The following AKAP19 variants were observed in gnomAD, a reference collection of about 807,000 sequenced individuals.
AKAP19 encodes small A-kinase anchoring protein.
the AKAP19 span, chr2:190,203,036 T>G: frequency 2.0e-5 from 3 of 148,218 alleles, no homozygotes; most frequent in Non-Finnish European, 4.7e-5. Context: ...CCCAAAGAAA[T>G]AATTTGTCAA....
chr2:190,172,414 G>A, the AKAP19 span, among the ~76,000 whole-genome samples: 4 of 152,164 alleles, frequency 2.6e-5, no homozygotes, highest in Admixed American at 1.3e-4. Context: ...GGTATAGATC[G>A]TTGTCCAGAA....
At chr2:190,168,345 C>T in the AKAP19 span, among the ~76,000 whole-genome samples, 2 of 152,194 alleles carry the variant, frequency 1.3e-5, no homozygotes, top group Non-Finnish European at 2.9e-5. Flanking sequence ...CCTCCTAGGC[C>T]TCTGGGCCTG....
chr2:190,060,294 T>C, the AKAP19 span: 2 of 1,613,160 alleles, frequency 1.2e-6, no homozygotes, highest in Non-Finnish European at 1.7e-6. Flanking sequence ...TCTCAGGATT[T>C]GCACAAACAC....
chr2:189,932,119 C>T, the AKAP19 span, among the ~76,000 whole-genome samples: 3 of 152,102 alleles, frequency 2.0e-5, no homozygotes, highest in Non-Finnish European at 4.4e-5. Context: ...TCATCTTTAT[C>T]CATGTGACCA....
chr2:190,124,853 T>A, the AKAP19 span, among the ~76,000 whole-genome samples: 2 of 152,114 alleles, frequency 1.3e-5, no homozygotes, highest in Admixed American at 6.5e-5. Flanking sequence ...CTCTATAAAC[T>A]TTTTTCTATT....
the AKAP19 span, among the ~76,000 whole-genome samples, chr2:189,957,893 A>G: frequency 6.6e-6 from 1 of 152,166 alleles, no homozygotes; most frequent in Non-Finnish European, 1.5e-5. Context: ...TCCCAGGTTC[A>G]AGCAATTTTC....
At chr2:190,022,105 T>G in the AKAP19 span, among the ~76,000 whole-genome samples, 1 of 151,550 alleles carries the variant, frequency 6.6e-6, no homozygotes, top group Non-Finnish European at 1.5e-5. Context: ...ATGCATTAAT[T>G]AATCCATTCA....
At chr2:190,098,905 T>G in the AKAP19 span, among the ~76,000 whole-genome samples, 2 of 152,230 alleles carry the variant, frequency 1.3e-5, no homozygotes, top group African/African-American at 4.8e-5. Flanking sequence ...TTAAACCTCA[T>G]GAAGCAGCCT....
At chr2:190,155,587 C>T in the AKAP19 span, among the ~76,000 whole-genome samples, 2 of 152,148 alleles carry the variant, frequency 1.3e-5, no homozygotes, top group Non-Finnish European at 2.9e-5. Flanking sequence ...CAAACTTCAT[C>T]TTTTAAGACT....
At chr2:189,945,183 C>A in the AKAP19 span, among the ~76,000 whole-genome samples, 2 of 151,980 alleles carry the variant, frequency 1.3e-5, no homozygotes, top group Non-Finnish European at 2.9e-5. Flanking sequence ...CCTCATGGAA[C>A]TAGAAAAGCA....
the AKAP19 span, among the ~76,000 whole-genome samples, chr2:189,915,173 T>G: frequency 1.3e-5 from 2 of 152,088 alleles, no homozygotes; most frequent in Admixed American, 1.3e-4. Context: ...ACACTAGAAC[T>G]GTTTTTTTTT....
chr2:190,007,805 A>T, the AKAP19 span, among the ~76,000 whole-genome samples: 2 of 152,102 alleles, frequency 1.3e-5, no homozygotes, highest in African/African-American at 2.4e-5. Context: ...TACTAAAAAT[A>T]CAAAAAATTA....
the AKAP19 span, among the ~76,000 whole-genome samples, chr2:190,015,928 C>G: frequency 7.2e-5 from 11 of 152,188 alleles, no homozygotes; most frequent in Non-Finnish European, 1.6e-4. Flanking sequence ...CAAGAGTGAC[C>G]TTTGCTCCAG....
chr2:189,903,323 A>G, the AKAP19 span, among the ~76,000 whole-genome samples: 1 of 152,028 alleles, frequency 6.6e-6, no homozygotes, highest in South Asian at 2.1e-4. Context: ...CTTATATTAA[A>G]CCTAATCTGT....
At chr2:190,161,952 T>C in the AKAP19 span, among the ~76,000 whole-genome samples, 1 of 152,214 alleles carries the variant, frequency 6.6e-6, no homozygotes. Context: ...TCAAGGTGTT[T>C]ATTTTTGGTA....
chr2:189,984,866 C>T, the AKAP19 span, among the ~76,000 whole-genome samples: 53 of 152,100 alleles, frequency 3.5e-4, no homozygotes, highest in East Asian at 4.1e-3. Context: ...GGTGCGATGA[C>T]GCAAAGGCAG....
chr2:189,962,012 G>C, the AKAP19 span, among the ~76,000 whole-genome samples: 7 of 151,918 alleles, frequency 4.6e-5, no homozygotes, highest in Non-Finnish European at 2.9e-5. Flanking sequence ...TCTTGTTACA[G>C]AGAATTTTAT....
chr2:189,922,701 C>T, the AKAP19 span, among the ~76,000 whole-genome samples: 1 of 152,184 alleles, frequency 6.6e-6, no homozygotes, highest in East Asian at 1.9e-4. Flanking sequence ...TCTTTTTTAC[C>T]TATTACTTAT....
the AKAP19 span, among the ~76,000 whole-genome samples, chr2:190,108,356 A>T: frequency 6.6e-6 from 1 of 152,150 alleles, no homozygotes; most frequent in Non-Finnish European, 1.5e-5. Context: ...GGGTTTTGCC[A>T]TGTTGGCCAG....
Sources: allele counts gnomAD v4.1 joint callset (sites outside exome capture counted in the v4.1 genomes callset), GRCh38; gene constraint gnomAD v4.1.1; transcripts MANE v1.5; gene names NCBI Gene and HGNC (gene_info 2026-07-23, HGNC 2026-07-21).